Variants in ANK3 observed in about 807,000 individuals in gnomAD.
The protein encoded by ANK3 is ankyrin-3.
A neutral mutation model predicts 370.9 loss-of-function variants in ANK3; 57 were observed. The observed-to-expected ratio is 0.15, with a 90% CI of 0.12 to 0.19. The LOEUF is 0.19. ANK3 is among the 10% of genes least tolerant of loss of function. The pLI, the probability that ANK3 is intolerant of heterozygous loss-of-function variation, is 1.00. For missense variants in ANK3, 4,439 were observed against 5,302.1 expected (o/e 0.84, Z 5.06); for synonymous variants, 1,929 against 1,946.3 (o/e 0.99, Z 0.23).
intron 2 of ANK3, among the ~76,000 whole-genome samples, chr10:60,425,556 C>T (rs2063868192): frequency 6.6e-6 from 1 of 152,098 alleles, no homozygotes; most frequent in Non-Finnish European, 1.5e-5. Flanking sequence ...TCATCACATG[C>T]CATTAATCTT....
chr10:60,065,250 C>T (rs1165908681), intron 38 of ANK3, among the ~76,000 whole-genome samples: 1 of 152,162 alleles, frequency 6.6e-6, no homozygotes. Context: ...TGGAAAGATA[C>T]ATATGATCTC....
intron 2 of ANK3, among the ~76,000 whole-genome samples, chr10:60,444,429 CGT>C (rs374472777): frequency 8.1e-5 from 12 of 148,104 alleles, no homozygotes; most frequent in African/African-American, 2.2e-4. Flanking sequence ...ATATAACATA[CGT>C]GTGTGTGTGT....
At chr10:60,133,658 C>T (rs993333146) in intron 25 of ANK3, among the ~76,000 whole-genome samples, 3 of 152,130 alleles carry the variant, frequency 2.0e-5, no homozygotes, top group Admixed American at 1.3e-4. Flanking sequence ...TGCGGTGGTT[C>T]ACACCTGTTC....
At chr10:60,571,237 A>T (rs1465929142) in intron 2 of ANK3, among the ~76,000 whole-genome samples, 1 of 152,168 alleles carries the variant, frequency 6.6e-6, no homozygotes, top group Non-Finnish European at 1.5e-5. Flanking sequence ...GCACAGATTC[A>T]CTATCTGGAA....
intron 7 of ANK3, among the ~76,000 whole-genome samples, chr10:60,237,040 T>A (rs1323388364): frequency 1.3e-5 from 2 of 152,248 alleles, no homozygotes; most frequent in African/African-American, 4.8e-5. Flanking sequence ...GCTCCAGACC[T>A]ACCAGCTTGC....
At chr10:60,216,975 T>A (rs2096949029) in intron 8 of ANK3, among the ~76,000 whole-genome samples, 1 of 152,216 alleles carries the variant, frequency 6.6e-6, no homozygotes, top group Non-Finnish European at 1.5e-5. Flanking sequence ...GGATTCAATA[T>A]CTTCCTGGTT....
At chr10:60,225,832 T>G (rs1412363834) in intron 8 of ANK3, among the ~76,000 whole-genome samples, 1 of 151,840 alleles carries the variant, frequency 6.6e-6, no homozygotes, top group Admixed American at 6.6e-5. Flanking sequence ...TGTCTCCTTT[T>G]GTGCTGGAAT....
At chr10:60,385,974 A>G (rs998942100) in intron 1 of ANK3, among the ~76,000 whole-genome samples, 4 of 152,312 alleles carry the variant, frequency 2.6e-5, no homozygotes, top group Admixed American at 6.5e-5. Flanking sequence ...ACATGGTACC[A>G]GAAGCCAACA....
chr10:60,078,038 G>A (rs563677863), intron 36 of ANK3, among the ~76,000 whole-genome samples: 2 of 152,318 alleles, frequency 1.3e-5, no homozygotes, highest in South Asian at 4.1e-4. Context: ...GATTTGCAAG[G>A]CCTGCCAACG....
At chr10:60,157,886 AAGAG>A (rs59965251) in intron 23 of ANK3, among the ~76,000 whole-genome samples, 3,866 of 132,806 alleles carry the variant, frequency 0.029, 78 homozygotes, top group African/African-American at 0.057. Context: ...GAGAGAGAAA[AAGAG>A]AGAGAGAGAG....
At chr10:60,482,584 T>G (rs531121504) in intron 2 of ANK3, among the ~76,000 whole-genome samples, 24 of 152,224 alleles carry the variant, frequency 1.6e-4, no homozygotes, top group African/African-American at 4.8e-4. Flanking sequence ...CATTGTGAGC[T>G]CAATAGATCC....
rs150507151 is a variant in ANK3 at position 60,268,890 on chromosome 10, G to A, written c.513+1241C>T. Among the ~76,000 whole-genome samples the A allele has an allele frequency of 1.1e-3, 165 of 152,242 alleles. No homozygotes were observed. In the East Asian group the frequency reaches 0.017, roughly 15 times the overall value. On this transcript the variant is annotated intron_variant, in intron 5 of 43. Transcript: ENST00000280772. ...AATAAATTAGTATTTGACTATAAAT[G>A]AGGATGAGAAATTTTCATATATTTA...
intron 1 of ANK3, among the ~76,000 whole-genome samples, chr10:60,284,724 C>T (rs1468771948): frequency 3.3e-5 from 5 of 152,116 alleles, no homozygotes; most frequent in Middle Eastern, 3.4e-3. Context: ...CAGTGGATCA[C>T]CTGAAAAAAT....
chr10:60,597,448 T>C (rs1299206509), intron 2 of ANK3, among the ~76,000 whole-genome samples: 1 of 152,210 alleles, frequency 6.6e-6, no homozygotes, highest in African/African-American at 2.4e-5. Flanking sequence ...TATACTACTG[T>C]ATGTATTTAG....
At chr10:60,177,014 C>T (rs1027349539) in intron 18 of ANK3, among the ~76,000 whole-genome samples, 2 of 152,162 alleles carry the variant, frequency 1.3e-5, no homozygotes, top group Non-Finnish European at 2.9e-5. Flanking sequence ...CCCTACATTT[C>T]ACCATCTCCA....
chr10:60,608,103 A>G (rs930358847), intron 2 of ANK3, among the ~76,000 whole-genome samples: 1 of 152,174 alleles, frequency 6.6e-6, no homozygotes, highest in African/African-American at 2.4e-5. Flanking sequence ...TTTGCTATAT[A>G]CCAACTACTT....
At chr10:60,669,659 C>T (rs764605243) in intron 1 of ANK3, among the ~76,000 whole-genome samples, 2 of 152,188 alleles carry the variant, frequency 1.3e-5, no homozygotes, top group Non-Finnish European at 2.9e-5. Context: ...CCCTGCCTGG[C>T]CAGTTTTCCA....
intron 25 of ANK3, among the ~76,000 whole-genome samples, chr10:60,131,798 GA>G (rs2094086753): frequency 1.3e-5 from 2 of 152,302 alleles, no homozygotes; most frequent in East Asian, 1.9e-4. Context: ...TGGTGGAGGT[GA>G]CAGTGATGAT....
At chr10:60,342,569 G>A (rs1187833813) in intron 1 of ANK3, among the ~76,000 whole-genome samples, 1 of 152,134 alleles carries the variant, frequency 6.6e-6, no homozygotes, top group African/African-American at 2.4e-5. Flanking sequence ...ATTACATCAT[G>A]GATCATACAC....
Sources: allele counts gnomAD v4.1 joint callset (sites outside exome capture counted in the v4.1 genomes callset), GRCh38; gene constraint gnomAD v4.1.1; transcripts MANE v1.5; gene names NCBI Gene and HGNC (gene_info 2026-07-23, HGNC 2026-07-21).